TMEM181: variants seen among roughly 807,000 people sequenced by gnomAD.
The protein encoded by TMEM181 is G protein-coupled receptor 178.
Under a neutral mutation model 71.9 loss-of-function variants are expected in TMEM181, and 39 were observed. That is an observed-to-expected ratio of 0.54 (90% confidence interval 0.42 to 0.71). The LOEUF is 0.71. Ranked by LOEUF, TMEM181 falls within the 30% of genes least tolerant of loss-of-function variation. The probability of loss-of-function intolerance (pLI) is 0.00; values close to 1 mark genes in which losing one functional copy is unlikely to be tolerated. For missense variants in TMEM181, 595 were observed against 583.0 expected, an observed-to-expected ratio of 1.02 and a Z score of -0.21; for synonymous variants, 245 against 228.8, an observed-to-expected ratio of 1.07 and a Z score of -0.64.
intron 1 of TMEM181, among the ~76,000 whole-genome samples, chr6:158,544,482 G>A (rs2128278786): frequency 6.6e-6 from 1 of 152,316 alleles, no homozygotes; most frequent in Non-Finnish European, 1.5e-5. Flanking sequence ...GGTAGTGTGT[G>A]TGTGCTGGGG....
chr6:158,591,390 G>A (rs930810666), intron 6 of TMEM181, among the ~76,000 whole-genome samples: 28 of 152,078 alleles, frequency 1.8e-4, no homozygotes, highest in African/African-American at 6.3e-4. Context: ...CGGCTCTCTC[G>A]GGAGCCACGT....
At chr6:158,536,736 T>C (rs1350994466) in exon 1 of TMEM181, 5 of 1,576,012 alleles carry the variant, frequency 3.2e-6, no homozygotes, top group East Asian at 2.4e-5. Flanking sequence ...CTGCGCGGCA[T>C]GGACGCCGAG....
At chr6:158,587,697 G>A (rs532401885) in intron 5 of TMEM181, among the ~76,000 whole-genome samples, 21 of 151,010 alleles carry the variant, frequency 1.4e-4, no homozygotes, top group African/African-American at 4.6e-4. Flanking sequence ...GGCTTTCCAC[G>A]CCTTGCAGGT....
chr6:158,613,291 AATC>A (rs777008790), intron 10 of TMEM181, among the ~76,000 whole-genome samples: 1 of 152,242 alleles, frequency 6.6e-6, no homozygotes, highest in East Asian at 1.9e-4. Flanking sequence ...TTAAAAGACA[AATC>A]ATAATAGGAC....
intron 1 of TMEM181, among the ~76,000 whole-genome samples, chr6:158,546,481 AC>A (rs1409020437): frequency 6.6e-6 from 1 of 152,188 alleles, no homozygotes; most frequent in Non-Finnish European, 1.5e-5. Flanking sequence ...ATAGAACTGA[AC>A]CCCAGGAAGG....
intron 1 of TMEM181, among the ~76,000 whole-genome samples, chr6:158,567,155 C>G (rs1782558459): frequency 6.6e-6 from 1 of 152,182 alleles, no homozygotes; most frequent in Admixed American, 6.5e-5. Flanking sequence ...TTGTGAAAAG[C>G]TGCATGGGCC....
chr6:158,607,206 A>G (rs1189324625), intron 7 of TMEM181, 38 bp from the exon 8 acceptor site: 1 of 1,561,758 alleles, frequency 6.4e-7, no homozygotes, highest in African/African-American at 1.4e-5. Context: ...GCAAGGTGTG[A>G]GCAAAGGCAG....
chr6:158,605,305 C>A lies in TMEM181; in HGVS notation c.531C>A (p.Ile177=). The A allele has an allele frequency of 6.2e-7, 1 of 1,614,006 alleles. No individual in the cohort carries two copies. Among genetic ancestry groups the A allele is most frequent in the South Asian group, 1.1e-5 (1 of 91,076 alleles). ...TYNPAFSRLE[I]WFRFFFVVLT... ...ACCCTGCCTTCTCCCGGTTGGAAAT[C>A]TGGTTCCGGTTTTTCTTTGTGGTGC... The change falls in exon 7 of 17, where the codon ATC becomes ATA. Residue 177 remains isoleucine, a synonymous_variant. Coordinates refer to ENST00000684151, the MANE Select transcript of TMEM181 (RefSeq NM_001376852.1).
chr6:158,612,159 G>A (rs184723571), intron 10 of TMEM181, among the ~76,000 whole-genome samples: 1 of 152,174 alleles, frequency 6.6e-6, no homozygotes, highest in South Asian at 2.1e-4. Context: ...GCTGTGCCCA[G>A]CTGTCTTATC....
At chr6:158,585,106 G>A (rs914720978) in intron 4 of TMEM181, among the ~76,000 whole-genome samples, 198 bp from the exon 5 acceptor site, 1 of 152,164 alleles carries the variant, frequency 6.6e-6, no homozygotes, top group Non-Finnish European at 1.5e-5. Flanking sequence ...TAGACCCCCT[G>A]GGTGCTGGGT....
chr6:158,582,066 A>G (rs532403449), intron 3 of TMEM181, among the ~76,000 whole-genome samples: 18 of 152,274 alleles, frequency 1.2e-4, no homozygotes, highest in African/African-American at 4.1e-4. Context: ...AAGAAGAAAA[A>G]GTACTAAAAC....
chr6:158,545,561 C>T (rs145469878), intron 1 of TMEM181, among the ~76,000 whole-genome samples: 2 of 152,246 alleles, frequency 1.3e-5, no homozygotes, highest in East Asian at 1.9e-4. Context: ...GGCGGGTGGG[C>T]GTTGTCCTGC....
chr6:158,560,642 C>T (rs1310902387), intron 1 of TMEM181, among the ~76,000 whole-genome samples: 3 of 152,216 alleles, frequency 2.0e-5, no homozygotes, highest in African/African-American at 7.2e-5. Flanking sequence ...CCCGTCGTCC[C>T]CTCGGTATCG....
At chr6:158,598,636 T>A (rs955024407) in intron 6 of TMEM181, among the ~76,000 whole-genome samples, 4 of 148,748 alleles carry the variant, frequency 2.7e-5, no homozygotes, top group Non-Finnish European at 6.0e-5. Context: ...TTTTTTTTTT[T>A]ATTTTTATTT....
intron 6 of TMEM181, 100 bp from the exon 7 acceptor site, chr6:158,605,167 T>C: frequency 1.2e-6 from 1 of 848,628 alleles, no homozygotes; most frequent in South Asian, 1.4e-5. Flanking sequence ...TGTATGTGTA[T>C]ATATTGTCTC....
Position 158,608,386 on chromosome 6 carries a change from G to T in TMEM181, c.727G>T (p.Asp243Tyr). Residue 243 changes from aspartate to tyrosine, a missense_variant, in exon 9 of 17, where the codon GAT becomes TAT. Transcript: ENST00000684151. ...LVNSWLPGML[D>Y]DLFQSMFLCA... ...CAACAGCTGGCTCCCAGGGATGCTG[G>T]ATGACCTCTTTCAGTCCATGTTCCT... 6.2e-7 allele frequency: 1 copy of T among 1,614,240 alleles called. No homozygotes were observed. The highest frequency in any genetic ancestry group is 8.5e-7 in the Non-Finnish European group (1 of 1,180,050).
At chr6:158,537,239 C>G (rs977070572) in intron 1 of TMEM181, among the ~76,000 whole-genome samples, 2 of 152,046 alleles carry the variant, frequency 1.3e-5, no homozygotes, top group African/African-American at 4.8e-5. Context: ...TCGCCGCCCC[C>G]GCTCGGGCCT....
chr6:158,625,241 C>T (rs1389705348), intron 12 of TMEM181, 35 bp downstream of exon 12: 1 of 1,581,482 alleles, frequency 6.3e-7, no homozygotes, highest in South Asian at 1.1e-5. Flanking sequence ...GCAGGGGTGG[C>T]TTGGGAGTGA....
intron 8 of TMEM181, among the ~76,000 whole-genome samples, 190 bp downstream of exon 8, chr6:158,607,533 G>T (rs1187549844): frequency 6.6e-6 from 1 of 152,174 alleles, no homozygotes; most frequent in East Asian, 1.9e-4. Context: ...AGCTGGGCAT[G>T]GTGGTGCGTG....
Sources: gnomAD v4.1 joint callset for allele counts (sites outside exome capture counted in the v4.1 genomes callset) on GRCh38, gnomAD v4.1.1 for gene constraint, MANE v1.5 for transcripts, NCBI Gene and HGNC (gene_info 2026-07-23, HGNC 2026-07-21) for gene names.